The following ANAPC2 variants were observed in gnomAD, a reference collection of about 807,000 sequenced individuals.
ANAPC2 encodes the protein anaphase-promoting complex subunit 2.
Under a neutral mutation model 84.3 loss-of-function variants are expected in ANAPC2, and 29 were observed. The ratio of observed to expected loss-of-function variants is 0.34; its 90% CI spans 0.26 to 0.47. The LOEUF (loss-of-function observed/expected upper bound fraction) is 0.47, where lower values mean the gene tolerates loss of function less well. Ranked by LOEUF, ANAPC2 falls within the 20% of genes least tolerant of loss-of-function variation. ANAPC2 has a pLI of 1.00. For synonymous variants in ANAPC2, 571 were observed against 479.4 expected, an observed-to-expected ratio of 1.19 and a Z score of -2.50; for missense variants, 857 against 1,131.7, an observed-to-expected ratio of 0.76 and a Z score of 3.48.
rs754065286 is a variant in ANAPC2 at position 137,187,943 on chromosome 9, T to A, written c.278A>T (p.Asn93Ile). The A allele has an allele frequency of 6.2e-7, 1 of 1,613,740 alleles. No individual in the cohort carries two copies. Among genetic ancestry groups the A allele is most frequent in the Admixed American group, 1.7e-5 (1 of 59,998 alleles). The change falls in exon 2 of 13, where the codon AAT (asparagine) becomes ATT (isoleucine). Residue 93 changes from asparagine (N) to isoleucine (I), a missense_variant. By Grantham distance (149) the Asn-to-Ile change is moderately radical. This residue lies in a region of ANAPC2 where 428 missense variants were observed against 513.8 expected (regional missense o/e 0.83). Transcript: ENST00000323927. ...LQANISPEFWNAISQCENSAD... is the reference protein window; with the variant it reads ...LQANISPEFWIAISQCENSAD... ...AGAGTTCTCGCATTGGGAGATGGCA[T>A]TCCAGAACTCAGGGGAGATGTTGGC...
chr9:137,176,938 G>C (rs1437355718), intron 10 of ANAPC2: 1 of 152,326 alleles, frequency 6.6e-6, no homozygotes, highest in African/African-American at 2.4e-5. Flanking sequence ...AAAGGCACCA[G>C]CCCTTGGGGA....
intron 10 of ANAPC2, among the ~76,000 whole-genome samples, chr9:137,178,819 C>T (rs1834278836): frequency 6.6e-6 from 1 of 152,208 alleles, no homozygotes; most frequent in African/African-American, 2.4e-5. Context: ...GCAGCCCGGC[C>T]CTACCACAGC....
chr9:137,180,681 G>A, intron 8 of ANAPC2, 107 bp downstream of exon 8: 1 of 1,566,174 alleles, frequency 6.4e-7, no homozygotes, highest in Non-Finnish European at 8.7e-7. Context: ...GGGGGCGGAA[G>A]CACAGCTCCA....
chr9:137,188,435 G>T lies in ANAPC2; in HGVS notation c.98C>A (p.Pro33Gln), dbSNP rs1222530315. The T allele has an allele frequency of 6.2e-7, 1 of 1,608,860 alleles. No individual in the cohort carries two copies. Among genetic ancestry groups the T allele is most frequent in the Non-Finnish European group, 8.5e-7 (1 of 1,179,348 alleles). ...AWNTVSTGLVPPAALGLVSSR... is the reference protein window; with the variant it reads ...AWNTVSTGLVQPAALGLVSSR... Reference sequence around the variant, plus strand: ...CCTCACCAGCCCCAGCGCAGCCGGCGGCACCAGGCCGGTGCTCACGGTGTT... The same window carrying T: ...CCTCACCAGCCCCAGCGCAGCCGGCTGCACCAGGCCGGTGCTCACGGTGTT... The change falls in exon 1 of 13, where the codon CCG becomes CAG. Residue 33 changes from proline (P) to glutamine (Q), a missense_variant. Pro to Gln is a moderately conservative substitution (Grantham distance 76). Around this residue, in one of 3 missense-constraint regions of ANAPC2, gnomAD observed 428 missense variants for 513.8 expected, o/e 0.83. Coordinates refer to ENST00000323927, the MANE Select transcript of ANAPC2 (RefSeq NM_013366.4).
intron 1 of ANAPC2, 36 bp from the exon 2 acceptor site, chr9:137,188,139 A>G: frequency 6.3e-7 from 1 of 1,591,312 alleles, no homozygotes; most frequent in South Asian, 1.1e-5. Context: ...AGGGGAACAC[A>G]ACATAGAGGT....
chr9:137,184,787 CGCAGACACAGA>C (rs903634395), intron 4 of ANAPC2, 115 bp downstream of exon 4: 25 of 1,247,106 alleles, frequency 2.0e-5, no homozygotes, highest in Non-Finnish European at 2.6e-5. Context: ...GAGCCCCAGA[CGCAGACACAGA>C]GCAGACACGG....
chr9:137,186,188 C>T (rs1453194772), intron 3 of ANAPC2, 36 bp downstream of exon 3: 2 of 1,605,516 alleles, frequency 1.2e-6, no homozygotes, highest in Admixed American at 1.7e-5. Context: ...ACTCCCCTGT[C>T]TCCAGCGGGG....
At chr9:137,184,884 A>C (rs750522425) in intron 4 of ANAPC2, 29 bp downstream of exon 4, 3 of 1,607,002 alleles carry the variant, frequency 1.9e-6, no homozygotes, top group Admixed American at 1.7e-5. Flanking sequence ...CAGACGGGAG[A>C]GCGGACCCCA....
intron 10 of ANAPC2, among the ~76,000 whole-genome samples, chr9:137,179,620 C>T (rs1834297273): frequency 1.3e-5 from 2 of 152,248 alleles, no homozygotes; most frequent in African/African-American, 4.8e-5. Flanking sequence ...ATCTGCTCCC[C>T]TCCTACTCCC....
In ANAPC2 at chr9:137,180,321, C is replaced by T; in HGVS notation, c.1750G>A (p.Glu584Lys). 1 of 1,613,316 alleles carries T rather than the reference C, an allele frequency of 6.2e-7. No individual in the cohort carries two copies. The highest frequency in any genetic ancestry group is 8.5e-7 in the Non-Finnish European group (1 of 1,180,002). ...TAGACCCCGAACGGTGGCTGCTCCT[C>T]TGCTGGCCGCTTCTCATCCTCCTCC... Reference protein sequence around the residue: ...IREEDEKRPAEEQPPFGVYAV... With the variant: ...IREEDEKRPAKEQPPFGVYAV... The change falls in exon 10 of 13, where the codon GAG (glutamate) becomes AAG (lysine). Residue 584 changes from glutamate (E) to lysine (K), a missense_variant. By Grantham distance (56) the Glu-to-Lys change is moderately conservative. This residue lies in a region of ANAPC2 where 425 missense variants were observed against 595.5 expected (regional missense o/e 0.71). Transcript: ENST00000323927.
intron 1 of ANAPC2, 110 bp downstream of exon 1, chr9:137,188,306 G>T: frequency 1.5e-6 from 2 of 1,343,862 alleles, no homozygotes; most frequent in Non-Finnish European, 2.0e-6. Flanking sequence ...GGCAGGACAG[G>T]ACAGAGGCGG....
rs761459181 is a variant in ANAPC2 at position 137,174,984 on chromosome 9, G to A, written c.2427C>T (p.Val809=). ...LQKKVRDQQL[V]YSAGVYRLPK... The stretch of plus-strand genomic sequence containing the variant: ...GCAGGCGGTAGACGCCGGCCGAGTA[G>A]ACGAGCTGCTGGTCCCGCACCTTCT... The change falls in exon 13 of 13, where the codon GTC becomes GTT. Residue 809 remains valine (V), a synonymous_variant. Coordinates refer to ENST00000323927, the MANE Select transcript of ANAPC2 (RefSeq NM_013366.4). This position sits in a 1 kb window ranked among gnomAD's most constrained non-coding sequence, Gnocchi z 6.1. The A allele has an allele frequency of 1.1e-5, 18 of 1,600,112 alleles. No homozygotes were observed.
chr9:137,177,314 T>A (rs868818602), intron 10 of ANAPC2, among the ~76,000 whole-genome samples: 1 of 151,956 alleles, frequency 6.6e-6, no homozygotes, highest in South Asian at 2.1e-4. Context: ...GGACTCGCTG[T>A]CCTTTTTCCT....
rs889642105 is a variant in ANAPC2, at chr9:137,178,696, C to T, written c.1890+1485G>A. On this transcript the variant is annotated intron_variant, in intron 10 of 12. Transcript: ENST00000323927. ...GGATGGCCAGGGTGCTCCTTTCCAC[C>T]GAGAGCAGGTGCAAGCCACACAGAC... Among the ~76,000 whole-genome samples, 7 of 152,186 alleles carry T rather than the reference C, an allele frequency of 4.6e-5. No homozygotes were observed. The East Asian group carries it at 5.8e-4, about 13-fold the overall frequency.
chr9:137,188,521 T>C lies in ANAPC2; in HGVS notation c.12A>G (p.Ala4=). 6.2e-7 allele frequency: 1 copy of C among 1,608,416 alleles called. No homozygotes were observed. The highest frequency in any genetic ancestry group is 1.1e-5 in the South Asian group (1 of 90,926). The change falls in exon 1 of 13, where the codon GCA becomes GCG. Residue 4 remains alanine (A), a synonymous_variant. Transcript: ENST00000323927. MAA[A]VVVAEGDSDS... is the part of the protein sequence containing the mutation. ...CGCTGTCCCCCTCCGCCACCACAAC[T>C]GCCGCCGCCATCTGCACCCACCGAC...
At chr9:137,187,455 C>A in intron 2 of ANAPC2, 26 bp downstream of exon 2, 1 of 1,586,186 alleles carries the variant, frequency 6.3e-7, no homozygotes, top group East Asian at 2.3e-5. Context: ...GGAGCAAGGG[C>A]ATGGCCATCG....
intron 10 of ANAPC2, among the ~76,000 whole-genome samples, chr9:137,177,529 C>T (rs553025069): frequency 6.6e-6 from 1 of 152,300 alleles, no homozygotes; most frequent in East Asian, 1.9e-4. Flanking sequence ...GATGCATTTA[C>T]AGGCTGAGAT....
chr9:137,184,891 C>T (rs1834427316), intron 4 of ANAPC2, 22 bp downstream of exon 4: 1 of 1,608,746 alleles, frequency 6.2e-7, no homozygotes, highest in Admixed American at 1.7e-5. Context: ...GAGAGCGGAC[C>T]CCAGGGCCGG....
chr9:137,177,888 G>A (rs1834258703), intron 10 of ANAPC2, among the ~76,000 whole-genome samples: 1 of 152,174 alleles, frequency 6.6e-6, no homozygotes, highest in Non-Finnish European at 1.5e-5. Flanking sequence ...GCACCCACAG[G>A]CCCCGGAGCT....
Sources: gnomAD v4.1 joint callset for allele counts (sites outside exome capture counted in the v4.1 genomes callset) on GRCh38, gnomAD v4.1.1 for gene constraint, gnomAD v4.1.1 regional missense constraint, Gnocchi (gnomAD v3.1) non-coding constraint, MANE v1.5 for transcripts, NCBI Gene and HGNC (gene_info 2026-07-23, HGNC 2026-07-21) for gene names.